Variants in PHF3 observed in about 807,000 individuals in gnomAD.
PHF3 encodes the protein PHD finger protein 3.
In PHF3, 41 loss-of-function variants were observed where a neutral mutation model predicts 178.4. The observed-to-expected ratio is 0.23, with a 90% CI of 0.18 to 0.30. PHF3 has a LOEUF of 0.30. Among genes scored for constraint, PHF3 ranks in the 10% least tolerant of loss-of-function variants. The pLI is 1.00. For synonymous variants in PHF3, 842 were observed against 800.5 expected (o/e 1.05, Z -0.88); for missense variants, 2,346 against 2,398.1 (o/e 0.98, Z 0.45).
At chr6:63,691,032 T>C (rs1331820730) in intron 4 of PHF3, among the ~76,000 whole-genome samples, 1 of 152,192 alleles carries the variant, frequency 6.6e-6, no homozygotes, top group Non-Finnish European at 1.5e-5. Flanking sequence ...GATAGAATAG[T>C]GATCTTTATT....
intron 2 of PHF3, among the ~76,000 whole-genome samples, chr6:63,671,122 C>A (rs1475469055): frequency 1.3e-5 from 2 of 150,386 alleles, no homozygotes; most frequent in African/African-American, 4.9e-5. Flanking sequence ...TTTTTTTAAA[C>A]CTATTCCTGT....
chr6:63,701,634 TGCCA>T (rs1767479977), intron 9 of PHF3, among the ~76,000 whole-genome samples: 1 of 152,216 alleles, frequency 6.6e-6, no homozygotes, highest in Admixed American at 6.5e-5. Flanking sequence ...TATAGACCTA[TGCCA>T]GATCTAGTTT....
chr6:63,707,146 A>T (rs1368448830), intron 13 of PHF3, among the ~76,000 whole-genome samples: 5 of 152,232 alleles, frequency 3.3e-5, no homozygotes, highest in Non-Finnish European at 5.9e-5. Context: ...ATGAGAGTCT[A>T]CATGGATATC....
chr6:63,667,440 TA>T (rs958496558), intron 2 of PHF3, among the ~76,000 whole-genome samples: 11 of 152,226 alleles, frequency 7.2e-5, no homozygotes, highest in Non-Finnish European at 1.5e-5. Flanking sequence ...TATTTTGCTA[TA>T]TTTGTTGTAT....
chr6:63,656,236 T>C (rs2149550371), intron 2 of PHF3, among the ~76,000 whole-genome samples: 1 of 152,360 alleles, frequency 6.6e-6, no homozygotes, highest in Middle Eastern at 3.4e-3. Context: ...CTTGACATAA[T>C]ATAAAACTGA....
rs374502229 is a variant in PHF3 at position 63,703,691 on chromosome 6, C to A, written c.3367+20C>A. On this transcript the variant is annotated intron_variant, in intron 11 of 15. Coordinates refer to ENST00000262043, the MANE Select transcript of PHF3 (RefSeq NM_001370348.2). ...GCATAGGTAATTGGAAGTTTTTCTT[C>A]GTAAAATTTTGCATTCATTATGAAA... 2 of 1,579,508 alleles carry A rather than the reference C, an allele frequency of 1.3e-6. No individual in the cohort carries two copies. The highest frequency in any genetic ancestry group is 1.7e-6 in the Non-Finnish European group (2 of 1,169,290).
At chr6:63,670,745 T>C (rs973974032) in intron 2 of PHF3, among the ~76,000 whole-genome samples, 2 of 152,248 alleles carry the variant, frequency 1.3e-5, no homozygotes, top group Non-Finnish European at 2.9e-5. Context: ...GAATATTTTA[T>C]GTTCCAGCTG....
At chr6:63,696,864 A>G (rs181684503) in intron 6 of PHF3, among the ~76,000 whole-genome samples, 2 of 152,302 alleles carry the variant, frequency 1.3e-5, no homozygotes, top group Non-Finnish European at 2.9e-5. Flanking sequence ...AGCAGTAGGG[A>G]AAAAAACCAG....
In PHF3 at chr6:63,691,882, A is replaced by G. The variant is rs1320783904; in HGVS notation, c.2335A>G (p.Ile779Val). 1.9e-6 allele frequency: 3 copies of G among 1,613,822 alleles called. No homozygotes were observed. Among genetic ancestry groups the G allele is most frequent in the Non-Finnish European group, 2.5e-6 (3 of 1,179,898 alleles). ...TGCTGAAGAAGACAAAAAGACTGAA[A>G]TACTAGATCCAGATACTTTGGAAAA... ...CCAEEDKKTE[I>V]LDPDTLENQA... The change falls in exon 5 of 16, where the codon ATA becomes GTA. Residue 779 changes from isoleucine (I) to valine (V), a missense_variant. By Grantham distance (29) the Ile-to-Val change is conservative (BLOSUM62 3). Coordinates refer to ENST00000262043, the MANE Select transcript of PHF3 (RefSeq NM_001370348.2).
At chr6:63,698,686 A>G in intron 8 of PHF3, 81 bp downstream of exon 8, 1 of 951,306 alleles carries the variant, frequency 1.1e-6, no homozygotes, top group Non-Finnish European at 1.5e-6. Context: ...CAGTAGATCT[A>G]TAATTTATTA....
intron 2 of PHF3, among the ~76,000 whole-genome samples, chr6:63,648,575 T>G (rs1426618273): frequency 2.6e-5 from 4 of 152,228 alleles, no homozygotes; most frequent in South Asian, 4.1e-4. Flanking sequence ...TGAAAAGTTT[T>G]TATTAATGTG....
At chr6:63,701,334 A>G (rs1263045413) in intron 9 of PHF3, among the ~76,000 whole-genome samples, 5 of 152,218 alleles carry the variant, frequency 3.3e-5, no homozygotes, top group African/African-American at 1.2e-4. Context: ...GAGTGTGTGC[A>G]CCATATTTCA....
intron 15 of PHF3, 111 bp downstream of exon 15, chr6:63,711,473 C>T: frequency 1.5e-6 from 2 of 1,338,284 alleles, no homozygotes; most frequent in Non-Finnish European, 1.0e-6. Flanking sequence ...CTAGAGATGG[C>T]TTGACAGGGC....
At position 63,646,689 on chromosome 6, in the gene PHF3, G is replaced by T. The variant is rs1246316317; in HGVS notation, c.138G>T (p.Lys46Asn). 1 of 1,613,146 alleles carries T rather than the reference G, an allele frequency of 6.2e-7. No homozygotes were observed. The highest frequency in any genetic ancestry group is 8.5e-7 in the Non-Finnish European group (1 of 1,179,584). The change falls in exon 2 of 16, where the codon AAG (lysine) becomes AAT (asparagine). Residue 46 changes from lysine (K) to asparagine (N), a missense_variant. Lys to Asn is a moderately conservative substitution (Grantham distance 94). Coordinates refer to ENST00000262043, the MANE Select transcript of PHF3 (RefSeq NM_001370348.2). ...ASQNVLEDSLKNMLSDKDPML... is the reference protein window; with the variant it reads ...ASQNVLEDSLNNMLSDKDPML... ...AAAATGTCTTAGAGGACTCGCTGAA[G>T]AACATGCTCAGCGATAAGGATCCTA... is the stretch of plus-strand genomic sequence containing the variant.
chr6:63,687,255 C>T (rs538903066), intron 4 of PHF3, among the ~76,000 whole-genome samples: 1 of 152,166 alleles, frequency 6.6e-6, no homozygotes, highest in Non-Finnish European at 1.5e-5. Flanking sequence ...GAAACCCCGT[C>T]TCTACTAAAA....
At chr6:63,694,392 A>G (rs1369241750) in intron 5 of PHF3, among the ~76,000 whole-genome samples, 189 bp from the exon 6 acceptor site, 1 of 152,218 alleles carries the variant, frequency 6.6e-6, no homozygotes, top group Non-Finnish European at 1.5e-5. Context: ...TATTGGGAAC[A>G]TGATCTCTAT....
Position 63,680,106 on chromosome 6 carries a change from G to C in PHF3, c.351G>C (p.Lys117Asn). 1 of 1,611,862 alleles carries C rather than the reference G, an allele frequency of 6.2e-7. No homozygotes were observed. Among genetic ancestry groups the C allele is most frequent in the Non-Finnish European group, 8.5e-7 (1 of 1,179,086 alleles). Residue 117 changes from lysine (K) to asparagine (N), a missense_variant, in exon 3 of 16, where the codon AAG becomes AAC. This residue lies in a region of PHF3 where 843 missense variants were observed against 795.2 expected (regional missense o/e 1.06). Coordinates refer to ENST00000262043, the MANE Select transcript of PHF3 (RefSeq NM_001370348.2). ...TACCTAACAGGAACTTAAGGGACAA[G>C]GTAGAAGAAAATTCAGTGAGATCTC... is the stretch of plus-strand genomic sequence containing the variant. ...LILPNRNLRD[K>N]VEENSVRSPR...
At chr6:63,643,491 T>C (rs1298961822) in intron 1 of PHF3, among the ~76,000 whole-genome samples, 1 of 152,204 alleles carries the variant, frequency 6.6e-6, no homozygotes, top group Admixed American at 6.5e-5. Flanking sequence ...ACTAGGATTG[T>C]GATTTGTCCT....
In PHF3 at chr6:63,718,080, A is replaced by G. The variant is rs1768242329; in HGVS notation, c.*4372A>G. On this transcript the variant is annotated 3_prime_UTR_variant, in exon 16 of 16. Coordinates refer to ENST00000262043, the MANE Select transcript of PHF3 (RefSeq NM_001370348.2). ...GAAGCGGGAATAGTGTTGATTTGTT[A>G]CATGAACTTTCCAGGATTTTAAGGT... is the stretch of plus-strand genomic sequence containing the variant. Among the ~76,000 whole-genome samples the G allele has an allele frequency of 6.6e-6, 1 of 152,026 alleles. No individual in the cohort carries two copies. The highest frequency in any genetic ancestry group is 1.5e-5 in the Non-Finnish European group (1 of 67,940).
Sources: allele counts gnomAD v4.1 joint callset (sites outside exome capture counted in the v4.1 genomes callset), GRCh38; gene constraint gnomAD v4.1.1; regional missense constraint gnomAD v4.1.1; transcripts MANE v1.5; gene names NCBI Gene and HGNC (gene_info 2026-07-23, HGNC 2026-07-21).